Variants in TGFA observed in about 807,000 individuals in gnomAD.
TGFA encodes the protein transforming growth factor alpha, also known as protransforming growth factor alpha.
A neutral mutation model predicts 21.7 loss-of-function variants in TGFA; 12 were observed. The observed-to-expected ratio is 0.55, with a 90% CI of 0.35 to 0.90. The LOEUF (loss-of-function observed/expected upper bound fraction) is 0.90, where lower values mean the gene tolerates loss of function less well. Ranked by LOEUF, TGFA falls within the 40% of genes least tolerant of loss-of-function variation. The pLI, the probability that TGFA is intolerant of heterozygous loss-of-function variation, is 0.01. For synonymous variants in TGFA, 79 were observed against 88.1 expected, an observed-to-expected ratio of 0.90 and a Z score of 0.58; for missense variants, 178 against 210.8, an observed-to-expected ratio of 0.84 and a Z score of 0.96.
intron 2 of TGFA, among the ~76,000 whole-genome samples, chr2:70,481,701 T>C (rs1039234960): frequency 6.6e-6 from 1 of 152,250 alleles, no homozygotes; most frequent in African/African-American, 2.4e-5. Flanking sequence ...AAAGGCACTG[T>C]AACTTCTGCC....
rs543740222 is a variant in TGFA at position 70,460,764 on chromosome 2, T to C, written c.216-4276A>G. On this transcript the variant is annotated intron_variant, in intron 3 of 5. Transcript: ENST00000295400. The stretch of plus-strand genomic sequence containing the variant: ...ACCTCACAACATCCCTTGGCTGTGG[T>C]GATGGTGCCAACAGCGGCCACAATA... 1.8e-4 allele frequency among the ~76,000 whole-genome samples: 27 copies of C among 152,248 alleles called. No individual in the cohort carries two copies. In the South Asian group the frequency reaches 5.0e-3, roughly 28 times the overall value.
rs782244656 is a variant in TGFA at position 70,456,471 on chromosome 2, A to G, written c.233T>C (p.Val78Ala). 3 of 1,608,160 alleles carry G rather than the reference A, an allele frequency of 1.9e-6. No homozygotes were observed. Among genetic ancestry groups the G allele is most frequent in the Non-Finnish European group, 2.5e-6 (3 of 1,177,414 alleles). The change falls in exon 4 of 6, where the codon GTT (valine) becomes GCT (alanine). Residue 78 changes from valine to alanine, a missense_variant. Val to Ala is a moderately conservative substitution (Grantham distance 64). Coordinates refer to ENST00000295400, the MANE Select transcript of TGFA (RefSeq NM_003236.4). ...KPACVCHSGY[V>A]GARCEHADLL... is the part of the protein sequence containing the mutation. ...GTCCGCATGCTCACAGCGTGCACCA[A>G]CGTACCCAGAATGGCAGCTGGGGAA...
chr2:70,552,486 T>G (rs1553506960), intron 1 of TGFA, among the ~76,000 whole-genome samples: 2 of 152,222 alleles, frequency 1.3e-5, no homozygotes, highest in African/African-American at 4.8e-5. Flanking sequence ...AAGGCAATTC[T>G]TCAAAAATGT....
chr2:70,524,838 C>T (rs1553502773), intron 1 of TGFA, among the ~76,000 whole-genome samples: 5 of 152,202 alleles, frequency 3.3e-5, no homozygotes. Flanking sequence ...ACAAGAAGTA[C>T]AGGAACCAAA....
intron 1 of TGFA, among the ~76,000 whole-genome samples, chr2:70,529,753 G>A (rs577593202): frequency 5.3e-4 from 81 of 152,264 alleles, no homozygotes; most frequent in African/African-American, 1.9e-3. Flanking sequence ...TTTGAGCAGA[G>A]GAGCAATAAC....
Position 70,486,092 on chromosome 2 carries a change from A to C in TGFA, c.95-20356T>G, listed in dbSNP as rs375953053. Among the ~76,000 whole-genome samples the C allele has an allele frequency of 1.1e-4, 16 of 152,210 alleles. No homozygotes were observed. In the East Asian group the frequency reaches 1.2e-3, roughly 11 times the overall value. ...TCCTAGCCTGCTACATCAGGAAGTC[A>C]TTGCTTTCTACTGCCCACTGGAGTG... On this transcript the variant is annotated intron_variant, in intron 2 of 5. Coordinates refer to ENST00000295400, the MANE Select transcript of TGFA (RefSeq NM_003236.4).
At chr2:70,474,589 A>G (rs1201044795) in intron 2 of TGFA, among the ~76,000 whole-genome samples, 1 of 152,164 alleles carries the variant, frequency 6.6e-6, no homozygotes, top group Non-Finnish European at 1.5e-5. Context: ...TACAGATGCA[A>G]AAGAGATTTC....
chr2:70,521,984 A>C (rs1309301562), intron 1 of TGFA, among the ~76,000 whole-genome samples: 1 of 152,202 alleles, frequency 6.6e-6, no homozygotes, highest in Non-Finnish European at 1.5e-5. Context: ...CATGGGAATC[A>C]AATTGGCCTC....
chr2:70,486,971 C>A (rs1340750785), intron 2 of TGFA, among the ~76,000 whole-genome samples: 1 of 152,222 alleles, frequency 6.6e-6, no homozygotes, highest in East Asian at 1.9e-4. Flanking sequence ...ACTGTGTTAG[C>A]CAGGATGGTC....
chr2:70,479,415 T>C (rs1464913561), intron 2 of TGFA, among the ~76,000 whole-genome samples: 3 of 152,242 alleles, frequency 2.0e-5, no homozygotes, highest in African/African-American at 7.2e-5. Flanking sequence ...AGATTTACTA[T>C]ATTCCTTTGT....
At chr2:70,471,344 C>T (rs1553493217) in intron 2 of TGFA, among the ~76,000 whole-genome samples, 1 of 152,152 alleles carries the variant, frequency 6.6e-6, no homozygotes. Flanking sequence ...GTGGGTCAAA[C>T]CACAGTCCCA....
intron 3 of TGFA, among the ~76,000 whole-genome samples, chr2:70,461,220 C>T (rs1670395908): frequency 6.6e-6 from 1 of 152,218 alleles, no homozygotes; most frequent in Non-Finnish European, 1.5e-5. Flanking sequence ...GTCCTCCTGC[C>T]TGGTGTGTGA....
At chr2:70,507,397 G>C (rs1671958669) in intron 2 of TGFA, among the ~76,000 whole-genome samples, 1 of 152,220 alleles carries the variant, frequency 6.6e-6, no homozygotes, top group Non-Finnish European at 1.5e-5. Context: ...TAGTTTATAA[G>C]TTCGAGTTAC....
chr2:70,454,204 C>T (rs1553490122), intron 4 of TGFA, among the ~76,000 whole-genome samples: 1 of 152,074 alleles, frequency 6.6e-6, no homozygotes, highest in Non-Finnish European at 1.5e-5. Context: ...AGCCAGGTGG[C>T]AGAGATGAAG....
At position 70,476,095 on chromosome 2, in the gene TGFA, A is replaced by AT. The variant is rs1199025273; in HGVS notation, c.95-10360_95-10359insA. 4.4e-3 allele frequency among the ~76,000 whole-genome samples: 642 copies of AT among 145,300 alleles called. 15 individuals are homozygous for AT. Among genetic ancestry groups the AT allele is most frequent in the African/African-American group, 0.017 (610 of 35,996 alleles). On this transcript the variant is annotated intron_variant, in intron 2 of 5. Coordinates refer to ENST00000295400, the MANE Select transcript of TGFA (RefSeq NM_003236.4). Reference sequence around the variant, plus strand: ...TAATTTTAAGCAAAAAAAAAAAAAAAAAAAAAAAAAAATTAAGAAAATTAC... The same window carrying AT: ...TAATTTTAAGCAAAAAAAAAAAAAAATAAAAAAAAAAAATTAAGAAAATTAC...
intron 4 of TGFA, among the ~76,000 whole-genome samples, chr2:70,454,860 G>A (rs1670177687): frequency 6.6e-6 from 1 of 152,200 alleles, no homozygotes; most frequent in Non-Finnish European, 1.5e-5. Context: ...CAGACAATCT[G>A]CCAAAATTAG....
chr2:70,539,007 G>C (rs1553504856), intron 1 of TGFA, among the ~76,000 whole-genome samples: 1 of 152,202 alleles, frequency 6.6e-6, no homozygotes, highest in African/African-American at 2.4e-5. Context: ...ACCCTGATCA[G>C]TCAGCAGCCA....
In TGFA at chr2:70,513,690, A is replaced by T. The variant is rs150724780; in HGVS notation, c.94+1169T>A. On this transcript the variant is annotated intron_variant, in intron 2 of 5. Transcript: ENST00000295400. ...GCAGTGTCGCCTCCAGTGGGTTTGGAGGGAAAGGCCTGAAGGAGGAGAAGA... is the reference window on the plus strand; with the variant it reads ...GCAGTGTCGCCTCCAGTGGGTTTGGTGGGAAAGGCCTGAAGGAGGAGAAGA... Among the ~76,000 whole-genome samples the T allele has an allele frequency of 3.2e-3, 488 of 152,216 alleles. 4 individuals carry two copies. Among genetic ancestry groups the T allele is most frequent in the African/African-American group, 0.011 (469 of 41,526 alleles).
intron 2 of TGFA, among the ~76,000 whole-genome samples, chr2:70,500,970 CA>C (rs34669349): frequency 0.18 from 26,211 of 143,682 alleles, 2,901 homozygotes; most frequent in African/African-American, 0.33. Context: ...GGGCCATCTC[CA>C]AAAAAAAAAA....
Sources: gnomAD v4.1 joint callset for allele counts (sites outside exome capture counted in the v4.1 genomes callset) on GRCh38, gnomAD v4.1.1 for gene constraint, MANE v1.5 for transcripts, NCBI Gene and HGNC (gene_info 2026-07-23, HGNC 2026-07-21) for gene names.